Variants in ZNF385D observed in about 807,000 individuals in gnomAD.
ZNF385D encodes the protein zinc finger protein 659.
A neutral mutation model predicts 35.8 loss-of-function variants in ZNF385D; 15 were observed. The ratio of observed to expected loss-of-function variants is 0.42; its 90% confidence interval spans 0.28 to 0.64. The LOEUF is 0.64. Ranked by LOEUF, ZNF385D falls within the 30% of genes least tolerant of loss-of-function variation. The pLI is 0.23. For synonymous variants in ZNF385D, 212 were observed against 186.8 expected (o/e 1.13, Z -1.10); for missense variants, 474 against 494.6 (o/e 0.96, Z 0.39).
intron 3 of ZNF385D, among the ~76,000 whole-genome samples, chr3:22,039,431 G>T (rs1576206584): frequency 6.6e-6 from 1 of 151,980 alleles, no homozygotes; most frequent in African/African-American, 2.4e-5. Flanking sequence ...ACTTAGCATG[G>T]CATCCAGTGC....
At chr3:21,953,814 G>C (rs1235896418) in intron 3 of ZNF385D, among the ~76,000 whole-genome samples, 1 of 151,970 alleles carries the variant, frequency 6.6e-6, no homozygotes, top group Non-Finnish European at 1.5e-5. Context: ...GGAAATTAGA[G>C]AAAAATTAGA....
At chr3:22,284,935 A>C (rs1357260864) in intron 2 of ZNF385D, among the ~76,000 whole-genome samples, 1 of 152,176 alleles carries the variant, frequency 6.6e-6, no homozygotes, top group African/African-American at 2.4e-5. Flanking sequence ...AAGAAGTAGC[A>C]TCAACAAATG....
At chr3:21,618,756 A>G (rs538244752) in intron 2 of ZNF385D, among the ~76,000 whole-genome samples, 1 of 152,296 alleles carries the variant, frequency 6.6e-6, no homozygotes, top group African/African-American at 2.4e-5. Context: ...TACCCAACAT[A>G]AAGCAATACA....
At chr3:21,819,410 A>ACGT (rs2073295142) in intron 3 of ZNF385D, among the ~76,000 whole-genome samples, 1 of 151,364 alleles carries the variant, frequency 6.6e-6, no homozygotes, top group South Asian at 2.1e-4. Context: ...CTGAAAGTAA[A>ACGT]ACGGTGAGAA....
intron 3 of ZNF385D, among the ~76,000 whole-genome samples, chr3:21,909,171 C>A (rs1575889284): frequency 6.6e-6 from 1 of 151,986 alleles, no homozygotes; most frequent in East Asian, 1.9e-4. Context: ...TCCTGTGAGA[C>A]ATAAGTTCGT....
At chr3:21,956,384 T>G (rs930293100) in intron 3 of ZNF385D, among the ~76,000 whole-genome samples, 1 of 151,828 alleles carries the variant, frequency 6.6e-6, no homozygotes, top group African/African-American at 2.4e-5. Context: ...TATAATATAA[T>G]AGTAATAACG....
In ZNF385D at chr3:21,747,756, C is replaced by A. The variant is rs1348362382; in HGVS notation, c.22+3139G>T. 2.6e-5 allele frequency among the ~76,000 whole-genome samples: 4 copies of A among 152,196 alleles called. No individual in the cohort carries two copies. In the East Asian group the frequency reaches 7.7e-4, roughly 29 times the overall value. Reference sequence around the variant, plus strand: ...TCCTCTTAACCAAACTGTAACTGGGCAGCTCAGTCCATTGTACTGACAACC... The same window carrying A: ...TCCTCTTAACCAAACTGTAACTGGGAAGCTCAGTCCATTGTACTGACAACC... On this transcript the variant is annotated intron_variant, in intron 1 of 7. Transcript: ENST00000281523.
chr3:21,584,254 C>T (rs565291535), intron 2 of ZNF385D, among the ~76,000 whole-genome samples: 43 of 152,270 alleles, frequency 2.8e-4, no homozygotes, highest in African/African-American at 1.0e-3. Context: ...GCTGGGATTA[C>T]AGCCGTGAGC....
chr3:21,414,224 A>C lies in ZNF385D; in HGVS notation c.*6990T>G, dbSNP rs1700531278. 6.6e-6 allele frequency: 1 copy of C among 151,842 alleles called. No homozygotes were observed. Among genetic ancestry groups the C allele is most frequent in the African/African-American group, 2.4e-5 (1 of 41,372 alleles). 9.4% of individuals were successfully genotyped at this position (151,842 alleles called of 1,614,324 possible). On this transcript the variant is annotated 3_prime_UTR_variant, in exon 8 of 8. Coordinates refer to ENST00000281523, the MANE Select transcript of ZNF385D (RefSeq NM_024697.3). ...AAAACAAAACAAAACAAAACAAAAAAAAGTTCAGTTAGGAGACCTTAGTTG... is the reference window on the plus strand; with the variant it reads ...AAAACAAAACAAAACAAAACAAAAACAAGTTCAGTTAGGAGACCTTAGTTG...
intron 1 of ZNF385D, among the ~76,000 whole-genome samples, chr3:21,681,707 A>AAACC (rs202160640): frequency 0.048 from 7,212 of 151,052 alleles, 251 homozygotes; most frequent in East Asian, 0.099. Context: ...CGAAAAAAAA[A>AAACC]AAACAAACAA....
intron 3 of ZNF385D, among the ~76,000 whole-genome samples, chr3:22,110,737 A>T (rs1484481122): frequency 6.6e-6 from 1 of 151,794 alleles, no homozygotes; most frequent in East Asian, 1.9e-4. Flanking sequence ...ATGTATACAT[A>T]TGTAACTAAC....
chr3:21,516,737 A>G (rs1707592436), intron 3 of ZNF385D, among the ~76,000 whole-genome samples: 1 of 152,112 alleles, frequency 6.6e-6, no homozygotes, highest in South Asian at 2.1e-4. Flanking sequence ...TACCTGAGTT[A>G]TACATCTTAG....
At chr3:21,777,459 T>C (rs2071332602) in intron 3 of ZNF385D, 1 of 151,908 alleles carries the variant, frequency 6.6e-6, no homozygotes, top group Admixed American at 6.6e-5. Flanking sequence ...AGTTGACAGA[T>C]AGTCACCAAG....
intron 3 of ZNF385D, among the ~76,000 whole-genome samples, chr3:21,768,585 A>G (rs2070935548): frequency 6.6e-6 from 1 of 152,034 alleles, no homozygotes; most frequent in Non-Finnish European, 1.5e-5. Flanking sequence ...TATGACAGGC[A>G]GCTGTGCACC....
chr3:21,978,324 G>C (rs1373847668), intron 3 of ZNF385D: 1 of 152,190 alleles, frequency 6.6e-6, no homozygotes, highest in Non-Finnish European at 1.5e-5. Flanking sequence ...CTGTCTATCT[G>C]TTACTGGTAT....
intron 2 of ZNF385D, among the ~76,000 whole-genome samples, chr3:22,329,195 T>G (rs1179778414): frequency 1.3e-5 from 2 of 152,168 alleles, no homozygotes; most frequent in African/African-American, 4.8e-5. Flanking sequence ...ATGTACATCC[T>G]GCAATAAGCC....
chr3:21,927,732 G>T (rs990124654), intron 3 of ZNF385D, among the ~76,000 whole-genome samples: 2 of 152,152 alleles, frequency 1.3e-5, no homozygotes, highest in Admixed American at 1.3e-4. Context: ...AATGTTACTA[G>T]AGACAGTGAT....
chr3:22,352,431 G>T (rs1178660110), intron 2 of ZNF385D, among the ~76,000 whole-genome samples: 1 of 152,172 alleles, frequency 6.6e-6, no homozygotes, highest in African/African-American at 2.4e-5. Context: ...ATGACACGGT[G>T]TGACTGAGGT....
At chr3:21,586,522 T>C (rs1303587416) in intron 2 of ZNF385D, among the ~76,000 whole-genome samples, 1 of 152,152 alleles carries the variant, frequency 6.6e-6, no homozygotes, top group Non-Finnish European at 1.5e-5. Flanking sequence ...CTATATTGAT[T>C]GTAGAGAGAT....
Sources: gnomAD v4.1 joint callset for allele counts (sites outside exome capture counted in the v4.1 genomes callset) on GRCh38, gnomAD v4.1.1 for gene constraint, MANE v1.5 for transcripts, NCBI Gene and HGNC (gene_info 2026-07-23, HGNC 2026-07-21) for gene names.